The following HTR2C variants were observed in gnomAD, a reference collection of about 807,000 sequenced individuals.
HTR2C encodes the protein 5-hydroxytryptamine receptor 2C, also known as 5-hydroxytryptamine (serotonin) receptor 2C, G protein-coupled.
A neutral mutation model predicts 21.0 loss-of-function variants in HTR2C; 5 were observed. That is an observed-to-expected ratio of 0.24 (90% confidence interval 0.12 to 0.50). The LOEUF (loss-of-function observed/expected upper bound fraction) is 0.50. Ranked by LOEUF, HTR2C falls within the 20% of genes least tolerant of loss-of-function variation. The pLI is 0.98. For missense variants in HTR2C, 271 were observed against 371.2 expected (o/e 0.73, Z 2.22); for synonymous variants, 150 against 145.3 (o/e 1.03, Z -0.23).
intron 4 of HTR2C, among the ~76,000 whole-genome samples, chrX:114,807,735 C>T (rs932022037): frequency 5.6e-5 from 6 of 108,039 alleles, no homozygotes; most frequent in Non-Finnish European, 1.1e-4. Context: ...TGCAGTAGTG[C>T]GATCTTGGCT....
At chrX:114,799,714 A>G (rs1464548648) in intron 4 of HTR2C, among the ~76,000 whole-genome samples, 1 of 110,891 alleles carries the variant, frequency 9.0e-6, no homozygotes, top group Non-Finnish European at 1.9e-5. Context: ...TTTGAATTAC[A>G]GAATTTTCTA....
intron 4 of HTR2C, among the ~76,000 whole-genome samples, chrX:114,732,041 T>C (rs2069542744): frequency 8.9e-6 from 1 of 111,779 alleles, no homozygotes; most frequent in African/African-American, 3.2e-5. Flanking sequence ...GCTGCCAAAC[T>C]AAGTGGTTGA....
intron 2 of HTR2C, among the ~76,000 whole-genome samples, chrX:114,655,267 T>C (rs781840918): frequency 1.7e-4 from 19 of 111,159 alleles, no homozygotes; most frequent in Non-Finnish European, 3.4e-4. Context: ...GTGCTTTAGG[T>C]TGTTCATAGA....
At chrX:114,694,450 T>C (rs1932207050) in intron 2 of HTR2C, among the ~76,000 whole-genome samples, 4 of 2,273 alleles carry the variant, frequency 1.8e-3, no homozygotes, top group African/African-American at 3.6e-3. Context: ...TATATATATA[T>C]ATATATATAT....
At chrX:114,730,085 A>G (rs1556422905) in intron 3 of HTR2C, among the ~76,000 whole-genome samples, 1 of 112,146 alleles carries the variant, frequency 8.9e-6, no homozygotes, top group African/African-American at 3.2e-5. Flanking sequence ...AGTTTTAAGC[A>G]GGAAATATTG....
chrX:114,761,990 C>CG (rs782126342), intron 4 of HTR2C, among the ~76,000 whole-genome samples: 1 of 9,908 alleles, frequency 1.0e-4, no homozygotes, highest in East Asian at 6.1e-3. Context: ...TGTATATATA[C>CG]TATATATACA....
intron 5 of HTR2C, among the ~76,000 whole-genome samples, chrX:114,887,378 A>C (rs2071227797): frequency 9.0e-6 from 1 of 111,664 alleles, no homozygotes; most frequent in Non-Finnish European, 1.9e-5. Flanking sequence ...GGCAACTTTC[A>C]CAATTGTACA....
intron 4 of HTR2C, among the ~76,000 whole-genome samples, chrX:114,760,493 A>G (rs1329313956): frequency 1.8e-5 from 2 of 111,436 alleles, no homozygotes; most frequent in African/African-American, 6.5e-5. Context: ...ATTTACCACA[A>G]TGGAAATACA....
At chrX:114,903,529 C>A (rs1413167840) in intron 5 of HTR2C, among the ~76,000 whole-genome samples, 1 of 112,241 alleles carries the variant, frequency 8.9e-6, no homozygotes, top group African/African-American at 3.2e-5. Context: ...ATAAAATTGG[C>A]CTCATCTACC....
At chrX:114,775,604 A>G in intron 4 of HTR2C, 1 of 495,216 alleles carries the variant, frequency 2.0e-6, no homozygotes, top group East Asian at 3.7e-5. Context: ...GACATCCAAG[A>G]GCAGCAAATC....
At chrX:114,658,068 TG>T (rs1400519734) in intron 2 of HTR2C, among the ~76,000 whole-genome samples, 73 of 107,269 alleles carry the variant, frequency 6.8e-4, no homozygotes, top group Middle Eastern at 5.1e-3. Context: ...AATTTTTTTT[TG>T]TTTGTTTGTT....
At chrX:114,706,492 G>T (rs1212672014) in intron 2 of HTR2C, among the ~76,000 whole-genome samples, 1 of 97,381 alleles carries the variant, frequency 1.0e-5, no homozygotes, top group African/African-American at 3.8e-5. Flanking sequence ...CTCACTCATA[G>T]TTGGGAATTG....
intron 4 of HTR2C, among the ~76,000 whole-genome samples, chrX:114,762,902 C>T (rs1405607353): frequency 8.9e-6 from 1 of 112,118 alleles, no homozygotes; most frequent in Non-Finnish European, 1.9e-5. Context: ...AACAAAGGTC[C>T]TCTAGCCCTC....
intron 2 of HTR2C, among the ~76,000 whole-genome samples, chrX:114,641,778 A>C (rs781864716): frequency 1.8e-5 from 2 of 111,448 alleles, no homozygotes; most frequent in African/African-American, 3.3e-5. Context: ...CAGGATGTGC[A>C]GGTTTGTTAC....
At chrX:114,805,520 G>A (rs781829075) in intron 4 of HTR2C, among the ~76,000 whole-genome samples, 7 of 76,084 alleles carry the variant, frequency 9.2e-5, no homozygotes, top group Admixed American at 1.8e-4. Context: ...ATATATATAT[G>A]CACCATATAT....
intron 4 of HTR2C, among the ~76,000 whole-genome samples, chrX:114,754,305 T>A (rs1231474185): frequency 9.0e-6 from 1 of 111,681 alleles, no homozygotes; most frequent in African/African-American, 3.3e-5. Flanking sequence ...TGTTTTAAAA[T>A]TTATATAGAA....
At chrX:114,847,521 A>G (rs1355867896) in intron 4 of HTR2C, among the ~76,000 whole-genome samples, 3 of 105,256 alleles carry the variant, frequency 2.9e-5, no homozygotes, top group Admixed American at 1.0e-4. Flanking sequence ...ACACCAGCAT[A>G]GCACATGTAT....
chrX:114,666,773 T>C (rs1453810180), intron 2 of HTR2C, among the ~76,000 whole-genome samples: 1 of 111,805 alleles, frequency 8.9e-6, no homozygotes, highest in African/African-American at 3.2e-5. Flanking sequence ...AAATTAAAAA[T>C]ATTTTAAATT....
intron 2 of HTR2C, among the ~76,000 whole-genome samples, chrX:114,685,435 A>G (rs1931881194): frequency 8.9e-6 from 1 of 112,341 alleles, no homozygotes; most frequent in Non-Finnish European, 1.9e-5. Context: ...GACCGATTAG[A>G]TGACTTCTGA....
Sources: allele counts gnomAD v4.1 joint callset (sites outside exome capture counted in the v4.1 genomes callset), GRCh38; gene constraint gnomAD v4.1.1; transcripts MANE v1.5; gene names NCBI Gene and HGNC (gene_info 2026-07-23, HGNC 2026-07-21).